ARSG: variants seen among roughly 807,000 people sequenced by gnomAD.
The protein encoded by ARSG is arylsulfatase G.
In ARSG, 37 loss-of-function variants were observed where a neutral mutation model predicts 50.5. That is an observed-to-expected ratio of 0.73 (90% CI 0.56 to 0.96). The LOEUF is 0.96. Among genes scored for constraint, ARSG ranks in the 50% least tolerant of loss-of-function variants. The pLI, the probability that ARSG is intolerant of heterozygous loss-of-function variation, is 0.00. For synonymous variants in ARSG, 225 were observed against 254.6 expected (o/e 0.88, Z 1.11); for missense variants, 629 against 675.3 (o/e 0.93, Z 0.76).
chr17:68,343,959 A>C (rs2078390349), intron 3 of ARSG, among the ~76,000 whole-genome samples, 168 bp downstream of exon 3: 1 of 152,246 alleles, frequency 6.6e-6, no homozygotes, highest in Non-Finnish European at 1.5e-5. Context: ...GAATTAAAAC[A>C]TACATGGAGC....
chr17:68,403,085 C>T (rs1023798597), intron 11 of ARSG, among the ~76,000 whole-genome samples: 1 of 152,018 alleles, frequency 6.6e-6, no homozygotes, highest in Non-Finnish European at 1.5e-5. Context: ...GAAAATGTGG[C>T]ATAAAAACAA....
At chr17:68,380,471 G>C (rs1392385350) in intron 8 of ARSG, among the ~76,000 whole-genome samples, 1 of 151,984 alleles carries the variant, frequency 6.6e-6, no homozygotes, top group African/African-American at 2.4e-5. Flanking sequence ...GTCTCACTAT[G>C]TTGCCCAGTC....
chr17:68,347,449 C>G (rs78956091), intron 4 of ARSG, among the ~76,000 whole-genome samples: 2,556 of 152,278 alleles, frequency 0.017, 23 homozygotes, highest in South Asian at 0.042. Context: ...TCTCTCGGTT[C>G]TTTACACCTC....
intron 2 of ARSG, among the ~76,000 whole-genome samples, chr17:68,343,023 A>G (rs1448591028): frequency 6.6e-6 from 1 of 152,270 alleles, no homozygotes; most frequent in Non-Finnish European, 1.5e-5. Flanking sequence ...GAAATGTGGA[A>G]TCTTCGAATA....
Position 68,313,796 on chromosome 17 carries a change from G to A in ARSG, c.218+6085G>A, listed in dbSNP as rs534325787. 2.8e-3 allele frequency among the ~76,000 whole-genome samples: 415 copies of A among 150,774 alleles called. 2 individuals carry two copies. The highest frequency in any genetic ancestry group is 6.8e-3 in the Middle Eastern group (2 of 292). On this transcript the variant is annotated intron_variant, in intron 2 of 11. Coordinates refer to ENST00000621439, the MANE Select transcript of ARSG (RefSeq NM_001267727.2). ...CGGGTTCAAGCGATTCTCCTGCCTC[G>A]GCCTTCTGAGTAGCTGGAATTACAG... is the stretch of plus-strand genomic sequence containing the variant.
chr17:68,300,990 C>T (rs1047223019), intron 1 of ARSG, among the ~76,000 whole-genome samples: 8 of 151,786 alleles, frequency 5.3e-5, no homozygotes, highest in East Asian at 1.9e-4. Flanking sequence ...TGGTGGCGGG[C>T]GCCTGTAGTC....
At chr17:68,425,362 C>T (rs974999070), downstream of ARSG, among the ~76,000 whole-genome samples, 2 of 149,890 alleles carry the variant, frequency 1.3e-5, no homozygotes, top group Non-Finnish European at 3.0e-5. Context: ...TGACACCACA[C>T]CCGGCTAATT....
chr17:68,348,610 T>G (rs2078616365), intron 4 of ARSG, among the ~76,000 whole-genome samples: 1 of 152,086 alleles, frequency 6.6e-6, no homozygotes, highest in Non-Finnish European at 1.5e-5. Context: ...CAGGCTAGAG[T>G]GCAGTGGCAT....
At chr17:68,303,664 G>A (rs2076503369) in intron 1 of ARSG, among the ~76,000 whole-genome samples, 1 of 151,862 alleles carries the variant, frequency 6.6e-6, no homozygotes, top group Admixed American at 6.6e-5. Flanking sequence ...TGACCAGGCT[G>A]GTCTTGAACT....
At chr17:68,331,256 T>C (rs1413939689) in intron 2 of ARSG, among the ~76,000 whole-genome samples, 3 of 131,738 alleles carry the variant, frequency 2.3e-5, no homozygotes, top group African/African-American at 9.1e-5. Context: ...TTTCTTTCTT[T>C]CTTTCTTTTT....
At chr17:68,299,535 C>T (rs937251909) in intron 1 of ARSG, among the ~76,000 whole-genome samples, 1 of 151,800 alleles carries the variant, frequency 6.6e-6, no homozygotes, top group Non-Finnish European at 1.5e-5. Flanking sequence ...GATCTACAAG[C>T]CAGTTTACCA....
chr17:68,363,987 C>T (rs1208688832), intron 6 of ARSG, among the ~76,000 whole-genome samples: 4 of 152,172 alleles, frequency 2.6e-5, no homozygotes, highest in African/African-American at 7.2e-5. Flanking sequence ...TCATTTCCCC[C>T]TGCATGAGGG....
At chr17:68,437,860 T>G in the ARSG span, among the ~76,000 whole-genome samples, 1 of 144,652 alleles carries the variant, frequency 6.9e-6, no homozygotes, top group Non-Finnish European at 1.5e-5. Context: ...TGAATAGAGG[T>G]GCACATGATA....
the ARSG span, chr17:68,434,575 A>G: frequency 6.2e-7 from 1 of 1,613,968 alleles, no homozygotes; most frequent in African/African-American, 1.3e-5. Flanking sequence ...CCTCTCCGGA[A>G]CTCATAGAGC....
intron 10 of ARSG, among the ~76,000 whole-genome samples, chr17:68,396,713 G>A (rs757439202): frequency 2.0e-4 from 31 of 152,186 alleles, no homozygotes; most frequent in Non-Finnish European, 5.9e-5. Flanking sequence ...CAGCAAACCA[G>A]AACATGGGTC....
chr17:68,430,644 C>T, the ARSG span, among the ~76,000 whole-genome samples: 2 of 152,168 alleles, frequency 1.3e-5, no homozygotes, highest in Non-Finnish European at 1.5e-5. Context: ...TGTAGATAAC[C>T]CTGGAGTCAC....
At chr17:68,430,009 A>AGATGTT in the ARSG span, 11 of 1,614,204 alleles carry the variant, frequency 6.8e-6, no homozygotes, top group Non-Finnish European at 9.3e-6. Flanking sequence ...GAGAGGGTAC[A>AGATGTT]GATGTTCCTC....
chr17:68,325,060 C>G (rs868961073), intron 2 of ARSG, among the ~76,000 whole-genome samples: 1 of 152,182 alleles, frequency 6.6e-6, no homozygotes, highest in Non-Finnish European at 1.5e-5. Flanking sequence ...TCTCAACCCC[C>G]AGGCCACTGT....
intron 2 of ARSG, among the ~76,000 whole-genome samples, chr17:68,326,668 A>G (rs2077516985): frequency 6.6e-6 from 1 of 152,156 alleles, no homozygotes; most frequent in South Asian, 2.1e-4. Context: ...TCCGTCTAAA[A>G]AACAAACAAA....
Sources: allele counts gnomAD v4.1 joint callset (sites outside exome capture counted in the v4.1 genomes callset), GRCh38; gene constraint gnomAD v4.1.1; transcripts MANE v1.5; gene names NCBI Gene and HGNC (gene_info 2026-07-23, HGNC 2026-07-21).